FRAS1: variants seen among roughly 807,000 people sequenced by gnomAD.
FRAS1 encodes extracellular matrix organizing protein FRAS1.
FRAS1 carries 290 observed loss-of-function variants against 435.2 expected under a neutral mutation model. The observed-to-expected ratio is 0.67, with a 90% CI of 0.61 to 0.73. FRAS1 has a LOEUF of 0.73. Among genes scored for constraint, FRAS1 ranks in the 30% least tolerant of loss-of-function variants. The probability of loss-of-function intolerance (pLI) is 0.00; values close to 1 mark genes in which losing one functional copy is unlikely to be tolerated. For missense variants in FRAS1, 4,860 were observed against 5,001.5 expected, an observed-to-expected ratio of 0.97 and a Z score of 0.85; for synonymous variants, 1,800 against 1,851.0, an observed-to-expected ratio of 0.97 and a Z score of 0.71.
rs752232028 is a variant in FRAS1 at position 78,421,896 on chromosome 4, C to A, written c.4574C>A (p.Pro1525His). The change falls in exon 34 of 74, where the codon CCT (proline) becomes CAT (histidine). Residue 1525 changes from proline to histidine, a missense_variant. By Grantham distance (77) the Pro-to-His change is moderately conservative (BLOSUM62 -2). Coordinates refer to ENST00000512123, the MANE Select transcript of FRAS1 (RefSeq NM_025074.7). ...GAGCACCGGGACCACCCTCACTCTC[C>A]TATCCGGTATTTCACGCAAGAGGAT... is the stretch of plus-strand genomic sequence containing the variant. ...IIEHRDHPHS[P>H]IRYFTQEDIN... 2.5e-5 allele frequency: 40 copies of A among 1,613,814 alleles called. 1 individual carries two copies. The South Asian group carries it at 4.2e-4, about 17-fold the overall frequency.
intron 72 of FRAS1, among the ~76,000 whole-genome samples, chr4:78,538,280 A>G (rs892059222): frequency 8.5e-5 from 13 of 152,248 alleles, no homozygotes; most frequent in Non-Finnish European, 1.8e-4. Flanking sequence ...TTAACCGAGT[A>G]AATGTCGATA....
intron 2 of FRAS1, among the ~76,000 whole-genome samples, chr4:78,237,228 C>T (rs1364505524): frequency 6.6e-6 from 1 of 152,168 alleles, no homozygotes; most frequent in Non-Finnish European, 1.5e-5. Flanking sequence ...ACTTGTCCTC[C>T]TGTGGTTTCA....
chr4:78,480,776 A>G (rs951710901), intron 56 of FRAS1, among the ~76,000 whole-genome samples: 10 of 152,210 alleles, frequency 6.6e-5, no homozygotes, highest in African/African-American at 2.2e-4. Context: ...CAGAGGGGCA[A>G]CAGCTGTGCT....
chr4:78,379,636 G>A, intron 26 of FRAS1, 90 bp from the exon 27 acceptor site: 1 of 1,206,102 alleles, frequency 8.3e-7, no homozygotes, highest in Non-Finnish European at 1.2e-6. Flanking sequence ...TTGTAAGGAG[G>A]TGGTCTGAAA....
At chr4:78,415,569 C>T (rs1453919939) in intron 32 of FRAS1, among the ~76,000 whole-genome samples, 1 of 151,988 alleles carries the variant, frequency 6.6e-6, no homozygotes, top group African/African-American at 2.4e-5. Flanking sequence ...GGAATGTATC[C>T]CAGTCTTGAG....
rs180796255 is a variant in FRAS1 at position 78,112,118 on chromosome 4, A to G, written c.108+46102A>G. Among the ~76,000 whole-genome samples, 550 of 152,244 alleles carry G rather than the reference A, an allele frequency of 3.6e-3. 3 individuals carry two copies. Among genetic ancestry groups the G allele is most frequent in the Middle Eastern group, 0.01 (3 of 294 alleles). The stretch of plus-strand genomic sequence containing the variant: ...CCTTTTTTTCTGTATTTTTCATATC[A>G]TGAATCTAAATTTTAGATAAGAATT... On this transcript the variant is annotated intron_variant, in intron 2 of 73. Coordinates refer to ENST00000512123, the MANE Select transcript of FRAS1 (RefSeq NM_025074.7).
intron 42 of FRAS1, 185 bp downstream of exon 42, chr4:78,445,897 G>C: frequency 2.3e-6 from 3 of 1,320,944 alleles, no homozygotes; most frequent in South Asian, 2.7e-5. Context: ...GGGAAGGCTT[G>C]AGTTAGAAAT....
At chr4:78,456,383 T>C (rs1395130477) in intron 47 of FRAS1, among the ~76,000 whole-genome samples, 1 of 152,148 alleles carries the variant, frequency 6.6e-6, no homozygotes, top group African/African-American at 2.4e-5. Flanking sequence ...CCTCAAGTGA[T>C]CTGCCTGCTT....
intron 30 of FRAS1, among the ~76,000 whole-genome samples, chr4:78,405,309 T>A (rs1733055507): frequency 6.6e-6 from 1 of 152,220 alleles, no homozygotes; most frequent in Non-Finnish European, 1.5e-5. Context: ...ATTTTGCAAC[T>A]GTACTCACAT....
At position 78,249,064 on chromosome 4, in the gene FRAS1, C is replaced by CATATATATATATATATATATAT. The variant is rs200267733; in HGVS notation, c.310-3327_310-3306dup. ...AGAACTACTGATATATATATATATG[C>CATATATATATATATATATATAT]ATATATATATATATATATATATGCA... On this transcript the variant is annotated intron_variant, in intron 4 of 73. Transcript: ENST00000512123. 2.7e-3 allele frequency among the ~76,000 whole-genome samples: 44 copies of CATATATATATATATATATATAT among 16,568 alleles called. 1 individual carries two copies. Among genetic ancestry groups the CATATATATATATATATATATAT allele is most frequent in the Admixed American group, 4.6e-3 (4 of 874 alleles). 10.9% of individuals were successfully genotyped at this position (16,568 alleles called of 152,430 possible).
intron 20 of FRAS1, among the ~76,000 whole-genome samples, chr4:78,356,221 G>C (rs184534614): frequency 4.6e-5 from 7 of 152,088 alleles, no homozygotes; most frequent in African/African-American, 1.7e-4. Context: ...ACATGCAGCC[G>C]AGTAGCACCC....
chr4:78,185,133 G>A (rs966795139), intron 2 of FRAS1, among the ~76,000 whole-genome samples: 2 of 152,198 alleles, frequency 1.3e-5, no homozygotes, highest in Admixed American at 1.3e-4. Context: ...GATGAGACCA[G>A]TACTTGTAGA....
At chr4:78,216,322 T>A (rs563276682) in intron 2 of FRAS1, among the ~76,000 whole-genome samples, 56 of 152,364 alleles carry the variant, frequency 3.7e-4, no homozygotes, top group African/African-American at 1.3e-3. Context: ...ATAACTATTA[T>A]TCTTTGTATT....
At chr4:78,436,095 A>G (rs1734416060) in intron 38 of FRAS1, among the ~76,000 whole-genome samples, 1 of 152,214 alleles carries the variant, frequency 6.6e-6, no homozygotes, top group South Asian at 2.1e-4. Context: ...CAGGCCAGTT[A>G]CAAATGGGAA....
intron 62 of FRAS1, 75 bp from the exon 63 acceptor site, chr4:78,508,656 T>G: frequency 3.3e-6 from 5 of 1,495,894 alleles, no homozygotes; most frequent in Non-Finnish European, 3.7e-6. Flanking sequence ...CTTGTGGATC[T>G]CTAAAGAAAG....
chr4:78,233,994 A>G (rs909317350), intron 2 of FRAS1, among the ~76,000 whole-genome samples: 1 of 152,178 alleles, frequency 6.6e-6, no homozygotes, highest in Non-Finnish European at 1.5e-5. Flanking sequence ...AGGTGGGAAA[A>G]GCCACCCTCC....
At chr4:78,530,263 G>A (rs1282635340) in intron 70 of FRAS1, among the ~76,000 whole-genome samples, 2 of 152,070 alleles carry the variant, frequency 1.3e-5, no homozygotes, top group Admixed American at 1.3e-4. Flanking sequence ...GATCAAGGAG[G>A]ACACCAACAC....
At chr4:78,186,251 C>CTTTT (rs879736836) in intron 2 of FRAS1, among the ~76,000 whole-genome samples, 2 of 146,588 alleles carry the variant, frequency 1.4e-5, no homozygotes, top group African/African-American at 2.5e-5. Flanking sequence ...CTTGCTCATA[C>CTTTT]TTTTTTTTTT....
chr4:78,372,826 C>T lies in FRAS1; in HGVS notation c.2978C>T (p.Ser993Leu). The T allele has an allele frequency of 6.2e-7, 1 of 1,612,878 alleles. No individual in the cohort carries two copies. Among genetic ancestry groups the T allele is most frequent in the Non-Finnish European group, 8.5e-7 (1 of 1,179,688 alleles). ...QDGACVEQCL[S>L]SFYQDSGLCK... is the part of the protein sequence containing the mutation. The stretch of plus-strand genomic sequence containing the variant: ...GGGGCCTGCGTGGAGCAGTGCTTGT[C>T]ATCATTTTACCAGGACTCGGGCCTC... Residue 993 changes from serine (S) to leucine (L), a missense_variant, in exon 24 of 74, where the codon TCA becomes TTA. Physicochemically the swap from Ser to Leu is moderately radical, Grantham distance 145. Coordinates refer to ENST00000512123, the MANE Select transcript of FRAS1 (RefSeq NM_025074.7).
Sources: gnomAD v4.1 joint callset for allele counts (sites outside exome capture counted in the v4.1 genomes callset) on GRCh38, gnomAD v4.1.1 for gene constraint, MANE v1.5 for transcripts, NCBI Gene and HGNC (gene_info 2026-07-23, HGNC 2026-07-21) for gene names.